CA10: variants seen among roughly 807,000 people sequenced by gnomAD.
The protein encoded by CA10 is carbonic anhydrase 10 (inactive).
A neutral mutation model predicts 44.2 loss-of-function variants in CA10; 14 were observed. The ratio of observed to expected loss-of-function variants is 0.32; its 90% confidence interval spans 0.21 to 0.50. CA10 has a LOEUF of 0.50. Ranked by LOEUF, CA10 falls within the 20% of genes least tolerant of loss-of-function variation. The pLI is 0.99. For synonymous variants in CA10, 159 were observed against 141.6 expected, an observed-to-expected ratio of 1.12 and a Z score of -0.87; for missense variants, 350 against 409.7, an observed-to-expected ratio of 0.85 and a Z score of 1.26.
At chr17:52,089,707 T>C (rs1988210065) in intron 1 of CA10, among the ~76,000 whole-genome samples, 1 of 152,092 alleles carries the variant, frequency 6.6e-6, no homozygotes, top group South Asian at 2.1e-4. Context: ...AGTGATAATA[T>C]GAAATGTATA....
chr17:51,987,715 C>T (rs1984892758), intron 2 of CA10, among the ~76,000 whole-genome samples: 1 of 151,762 alleles, frequency 6.6e-6, no homozygotes, highest in Non-Finnish European at 1.5e-5. Flanking sequence ...AAAAAAGTAA[C>T]AGCAATAAAT....
At chr17:51,916,256 T>G (rs1389305035) in intron 3 of CA10, among the ~76,000 whole-genome samples, 1 of 152,196 alleles carries the variant, frequency 6.6e-6, no homozygotes, top group South Asian at 2.1e-4. Context: ...ACATTGTGAC[T>G]GCAAAGGCAT....
chr17:52,047,173 G>C (rs1986935527), intron 2 of CA10, among the ~76,000 whole-genome samples: 1 of 151,928 alleles, frequency 6.6e-6, no homozygotes, highest in East Asian at 1.9e-4. Context: ...ATATAACATG[G>C]ATGAACTTTA....
At chr17:51,763,025 T>C (rs1174480397) in intron 3 of CA10, 1 of 152,116 alleles carries the variant, frequency 6.6e-6, no homozygotes, top group East Asian at 1.9e-4. Flanking sequence ...TCTTGCCTGG[T>C]CTTTGCCTAA....
intron 3 of CA10, among the ~76,000 whole-genome samples, chr17:51,925,129 T>G (rs1982375021): frequency 1.3e-5 from 2 of 152,150 alleles, no homozygotes; most frequent in Admixed American, 1.3e-4. Flanking sequence ...CTTCAAGTGA[T>G]CCTCTTGCTT....
intron 3 of CA10, among the ~76,000 whole-genome samples, chr17:51,874,950 GTTTTT>G (rs1302770602): frequency 1.7e-3 from 10 of 5,942 alleles, no homozygotes; most frequent in East Asian, 6.9e-3. Flanking sequence ...TTTTTCTTCT[GTTTTT>G]TTTTCTTTTT....
chr17:51,662,346 C>G (rs1193394110), intron 4 of CA10, among the ~76,000 whole-genome samples: 7 of 152,144 alleles, frequency 4.6e-5, no homozygotes, highest in Admixed American at 6.5e-5. Flanking sequence ...ACCCATATTA[C>G]CACATTTGTT....
intron 1 of CA10, among the ~76,000 whole-genome samples, chr17:52,078,668 T>C (rs1201977523): frequency 1.3e-5 from 2 of 152,220 alleles, no homozygotes; most frequent in Non-Finnish European, 2.9e-5. Flanking sequence ...TGCATATCCA[T>C]GACATCACTT....
chr17:51,771,380 C>T (rs1177582276), intron 3 of CA10, among the ~76,000 whole-genome samples: 1 of 152,066 alleles, frequency 6.6e-6, no homozygotes, highest in East Asian at 1.9e-4. Context: ...TTGACCTGTC[C>T]AAAATCACAG....
chr17:52,150,206 C>T (rs898970143), intron 1 of CA10, among the ~76,000 whole-genome samples: 4 of 152,098 alleles, frequency 2.6e-5, no homozygotes, highest in East Asian at 1.9e-4. Context: ...AAATCTTCCA[C>T]GACAACTCTT....
intron 2 of CA10, among the ~76,000 whole-genome samples, chr17:51,941,338 T>C (rs1256873419): frequency 6.6e-6 from 1 of 152,186 alleles, no homozygotes; most frequent in Non-Finnish European, 1.5e-5. Context: ...AAAGACAGTC[T>C]GGTTGACGTA....
intron 3 of CA10, among the ~76,000 whole-genome samples, chr17:51,786,046 T>C (rs1906258780): frequency 6.6e-6 from 1 of 152,220 alleles, no homozygotes; most frequent in South Asian, 2.1e-4. Flanking sequence ...GTATTTAAAT[T>C]CCTAGGTATT....
chr17:51,946,420 T>C (rs1983274805), intron 2 of CA10, among the ~76,000 whole-genome samples: 1 of 152,156 alleles, frequency 6.6e-6, no homozygotes, highest in African/African-American at 2.4e-5. Flanking sequence ...GAACACTCAA[T>C]GGCTCCTCAT....
chr17:51,981,755 T>G (rs2144088363), intron 2 of CA10, among the ~76,000 whole-genome samples: 1 of 152,194 alleles, frequency 6.6e-6, no homozygotes, highest in South Asian at 2.1e-4. Flanking sequence ...ATTTAATTTC[T>G]TTTCTCCCCC....
intron 2 of CA10, among the ~76,000 whole-genome samples, chr17:52,044,344 C>T (rs1170540029): frequency 6.6e-6 from 1 of 152,006 alleles, no homozygotes; most frequent in Non-Finnish European, 1.5e-5. Flanking sequence ...CCCTCTGTTG[C>T]CCATGCTGGG....
At chr17:51,921,344 T>A (rs934503029) in intron 3 of CA10, among the ~76,000 whole-genome samples, 1 of 152,192 alleles carries the variant, frequency 6.6e-6, no homozygotes, top group Non-Finnish European at 1.5e-5. Flanking sequence ...TCACATAGCT[T>A]GAATTCTTAT....
chr17:51,775,449 G>A (rs878936115), intron 3 of CA10, among the ~76,000 whole-genome samples: 1 of 152,174 alleles, frequency 6.6e-6, no homozygotes, highest in Admixed American at 6.5e-5. Context: ...AAGCCATGCA[G>A]GGTACAAGGG....
At chr17:51,747,961 G>T in intron 3 of CA10, 143 bp from the exon 4 acceptor site, 1 of 612,338 alleles carries the variant, frequency 1.6e-6, no homozygotes. Context: ...GGGCGTGGCA[G>T]CTGCCCCAGA....
chr17:51,995,336 T>A (rs896392125), intron 2 of CA10, among the ~76,000 whole-genome samples: 30 of 152,088 alleles, frequency 2.0e-4, no homozygotes, highest in Non-Finnish European at 1.2e-4. Context: ...TATGTTGTGC[T>A]TCACGTACTA....
Sources: allele counts gnomAD v4.1 joint callset (sites outside exome capture counted in the v4.1 genomes callset), GRCh38; gene constraint gnomAD v4.1.1; transcripts MANE v1.5; gene names NCBI Gene and HGNC (gene_info 2026-07-23, HGNC 2026-07-21).